PLCH2: variants seen among roughly 807,000 people sequenced by gnomAD.
The protein encoded by PLCH2 is phospholipase C eta 2.
Under a neutral mutation model 134.7 loss-of-function variants are expected in PLCH2, and 98 were observed. The ratio of observed to expected loss-of-function variants is 0.73; its 90% CI spans 0.62 to 0.86. The LOEUF is 0.86. PLCH2 is among the 40% of genes least tolerant of loss of function. PLCH2 has a pLI of 0.00. For synonymous variants in PLCH2, 974 were observed against 827.5 expected, an observed-to-expected ratio of 1.18 and a Z score of -3.04; for missense variants, 1,994 against 1,986.6, an observed-to-expected ratio of 1.00 and a Z score of -0.07.
the PLCH2 span, among the ~76,000 whole-genome samples, chr1:2,417,557 G>T: frequency 6.6e-6 from 1 of 152,208 alleles, no homozygotes; most frequent in African/African-American, 2.4e-5. Flanking sequence ...GGAGGCCCAA[G>T]CTGGAATGGC....
intron 10 of PLCH2, among the ~76,000 whole-genome samples, chr1:2,490,973 A>G (rs181606204): frequency 1.3e-3 from 195 of 152,336 alleles, no homozygotes; most frequent in African/African-American, 4.3e-3. Flanking sequence ...CAGAAGCCGC[A>G]CAGGCTCTGC....
At chr1:2,421,204 C>G (rs1638500434), upstream of PLCH2, among the ~76,000 whole-genome samples, 1 of 152,140 alleles carries the variant, frequency 6.6e-6, no homozygotes, top group Non-Finnish European at 1.5e-5. Context: ...CTTGGCCTCC[C>G]AAAGTGCTGG....
At chr1:2,453,430 G>A (rs1640338696) in intron 2 of PLCH2, among the ~76,000 whole-genome samples, 1 of 152,210 alleles carries the variant, frequency 6.6e-6, no homozygotes, top group African/African-American at 2.4e-5. Flanking sequence ...CTCACTGGGA[G>A]CGTCTGTGCA....
rs1364763965 is a variant in PLCH2 at position 2,479,714 on chromosome 1, G to T, written c.272-20G>T. 2 of 1,525,700 alleles carry T rather than the reference G, an allele frequency of 1.3e-6. No individual in the cohort carries two copies. Among genetic ancestry groups the T allele is most frequent in the Non-Finnish European group, 8.9e-7 (1 of 1,127,982 alleles). The allele number at this position is 1,525,700 out of a possible 1,614,324, so 94.5% of individuals were successfully genotyped here. Reference sequence around the variant, plus strand: ...CTGGGCCCCCGGGGACCTGACCCGTGCTCCCTCCCCACCCCGCAGTCTCCA... The same window carrying T: ...CTGGGCCCCCGGGGACCTGACCCGTTCTCCCTCCCCACCCCGCAGTCTCCA... On this transcript the variant is annotated intron_variant, in intron 2 of 21. Coordinates refer to ENST00000378486, the MANE Select transcript of PLCH2 (RefSeq NM_014638.4).
chr1:2,424,968 A>G (rs1430065023), upstream of PLCH2, among the ~76,000 whole-genome samples: 1 of 152,170 alleles, frequency 6.6e-6, no homozygotes, highest in Non-Finnish European at 1.5e-5. Context: ...CCTGGGCAAC[A>G]GAGCAAGACT....
rs184403610 is a variant in PLCH2, at chr1:2,451,892, G to A, written c.115+21263G>A. Among the ~76,000 whole-genome samples, 1,246 of 152,318 alleles carry A rather than the reference G, an allele frequency of 8.2e-3. 15 individuals are homozygous for A. Among genetic ancestry groups the A allele is most frequent in the African/African-American group, 0.027 (1,131 of 41,560 alleles). ...TGAGCTGTCACGGATGCCTGTCATC[G>A]GCATGCTGGTGGGGAAGTGTCTGTT... On this transcript the variant is annotated intron_variant, in intron 2 of 3. Transcript: ENST00000609981.
chr1:2,482,806 C>G (rs539403517), intron 4 of PLCH2, among the ~76,000 whole-genome samples: 1 of 152,312 alleles, frequency 6.6e-6, no homozygotes, highest in South Asian at 2.1e-4. Flanking sequence ...TGCTGCTGTC[C>G]ATGGTGCCGA....
Position 2,498,455 on chromosome 1 carries a change from C to T in PLCH2, c.2225-68C>T, listed in dbSNP as rs1643015728. On this transcript the variant is annotated intron_variant, in intron 16 of 21. Transcript: ENST00000378486. This position sits in a 1 kb window ranked among gnomAD's most constrained non-coding sequence, Gnocchi z 5.4. ...GGGCTGGGGAGGGGGCTGTTGGCAG[C>T]CATGCCCCAGCAAGCAGGGGGCTTG... is the stretch of plus-strand genomic sequence containing the variant. 6.5e-7 allele frequency: 1 copy of T among 1,544,666 alleles called. No individual in the cohort carries two copies. The highest frequency in any genetic ancestry group is 1.4e-5 in the African/African-American group (1 of 73,524).
At chr1:2,494,364 C>G (rs1352617786) in intron 11 of PLCH2, 1 of 181,050 alleles carries the variant, frequency 5.5e-6, no homozygotes, top group Non-Finnish European at 1.2e-5. Flanking sequence ...GCTCAGAACC[C>G]GCCTCAGGGA....
At chr1:2,459,520 C>T (rs111615914) in intron 2 of PLCH2, among the ~76,000 whole-genome samples, 5 of 36,230 alleles carry the variant, frequency 1.4e-4, no homozygotes, top group African/African-American at 2.5e-4. Context: ...GGTCCTCCTT[C>T]CTGGTGGTCC....
intron 2 of PLCH2, among the ~76,000 whole-genome samples, chr1:2,451,266 G>A (rs2100556993): frequency 6.6e-6 from 1 of 152,296 alleles, no homozygotes; most frequent in East Asian, 1.9e-4. Context: ...CTTGCCTCGT[G>A]TCCCGATTGT....
rs775310342 is a variant in PLCH2 at position 2,496,677 on chromosome 1, G to A, written c.1906G>A (p.Val636Met). 33 of 1,611,924 alleles carry A rather than the reference G, an allele frequency of 2.0e-5. No homozygotes were observed. Among genetic ancestry groups the A allele is most frequent in the Middle Eastern group, 3.3e-4 (2 of 6,072 alleles). ...TGACCTGGTGAAGTACACCAAGTCC[G>A]TGGCCACCCACGACATAGAGATGGA... ...LSDLVKYTKS[V>M]ATHDIEMEAA... is the part of the protein sequence containing the mutation. The change falls in exon 14 of 22, where the codon GTG (valine) becomes ATG (methionine). Residue 636 changes from valine (V) to methionine (M), a missense_variant. Around this residue, in one of 2 missense-constraint regions of PLCH2, gnomAD observed 1,094 missense variants for 1,234.3 expected, o/e 0.89. Coordinates refer to ENST00000378486, the MANE Select transcript of PLCH2 (RefSeq NM_014638.4).
intron 2 of PLCH2, among the ~76,000 whole-genome samples, chr1:2,455,765 G>C (rs370054966): frequency 6.6e-6 from 1 of 152,072 alleles, no homozygotes; most frequent in Admixed American, 6.5e-5. Context: ...GGCCCAGTTC[G>C]GGGAGTATGG....
chr1:2,421,707 T>A (rs1638522642), upstream of PLCH2, among the ~76,000 whole-genome samples: 1 of 151,642 alleles, frequency 6.6e-6, no homozygotes, highest in Non-Finnish European at 1.5e-5. Flanking sequence ...GGCACAGTGG[T>A]TCACACCTGT....
chr1:2,425,210 G>A (rs1203899470), upstream of PLCH2, among the ~76,000 whole-genome samples: 1 of 150,350 alleles, frequency 6.7e-6, no homozygotes, highest in Non-Finnish European at 1.5e-5. Context: ...TTGCTTGGGC[G>A]CATGCACACA....
chr1:2,436,176 G>GCTCCCTCCTTCCTTCCTCTGTTTCCTC (rs1639342969), intron 2 of PLCH2, among the ~76,000 whole-genome samples: 3 of 51,374 alleles, frequency 5.8e-5, no homozygotes, highest in African/African-American at 7.7e-5. Context: ...CTTCCTCCCT[G>GCTCCCTCCTTCCTTCCTCTGTTTCCTC]CTCCCTCCTT....
rs375189801 is a variant in PLCH2, at chr1:2,494,988, C to T, written c.1752+40C>T. On this transcript the variant is annotated intron_variant, in intron 12 of 21. Transcript: ENST00000378486. ...CCAGGCCAGGGTCCCGGTCTGGGCC[C>T]AGTGTCCTCCCTGCTCCCAGTGCCC... 3.6e-6 allele frequency: 5 copies of T among 1,389,496 alleles called. No homozygotes were observed. The African/African-American group carries it at 5.7e-5, about 16-fold the overall frequency. 86.1% of individuals were successfully genotyped at this position (1,389,496 alleles called of 1,614,324 possible).
chr1:2,491,321 A>C lies in PLCH2; in HGVS notation c.1645A>C (p.Lys549Gln), dbSNP rs764551069. 7.4e-6 allele frequency: 12 copies of C among 1,613,006 alleles called. No homozygotes were observed. The highest frequency in any genetic ancestry group is 1.0e-5 in the Non-Finnish European group (12 of 1,179,782). ...FSVSTLSPSG[K>Q]LGRKSKAEED... ...CGTCTCCACACTGTCCCCATCTGGA[A>C]AGCTCGGACGCAAGGTAGAGGCCAA... Residue 549 changes from lysine (K) to glutamine (Q), a missense_variant, in exon 11 of 22, where the codon AAG becomes CAG. Physicochemically the swap from Lys to Gln is moderately conservative, Grantham distance 53. Around this residue, in one of 2 missense-constraint regions of PLCH2, gnomAD observed 1,094 missense variants for 1,234.3 expected, o/e 0.89. Transcript: ENST00000378486.
chr1:2,504,655 C>T lies in PLCH2; in HGVS notation c.3693C>T (p.Leu1231=), dbSNP rs777971223. 11 of 1,612,580 alleles carry T rather than the reference C, an allele frequency of 6.8e-6. No homozygotes were observed. In the South Asian group the frequency reaches 1.1e-4, roughly 16 times the overall value. ...CCCTGGCCCCAAGGATGGCTGGCCT[C>T]CCCTTCCGGCCTCCCTGGGGCTGCC... ...PRSLAPRMAG[L]PFRPPWGCLS... Residue 1231 remains leucine, a synonymous_variant, in exon 22 of 22, where the codon CTC becomes CTT. Coordinates refer to ENST00000378486, the MANE Select transcript of PLCH2 (RefSeq NM_014638.4).
Sources: gnomAD v4.1 joint callset for allele counts (sites outside exome capture counted in the v4.1 genomes callset) on GRCh38, gnomAD v4.1.1 for gene constraint, gnomAD v4.1.1 regional missense constraint, Gnocchi (gnomAD v3.1) non-coding constraint, MANE v1.5 for transcripts, NCBI Gene and HGNC (gene_info 2026-07-23, HGNC 2026-07-21) for gene names.